CNTN5: variants seen among roughly 807,000 people sequenced by gnomAD.
The protein encoded by CNTN5 is contactin 5.
Under a neutral mutation model 129.1 loss-of-function variants are expected in CNTN5, and 77 were observed. That is an observed-to-expected ratio of 0.60 (90% CI 0.50 to 0.72). CNTN5 has a LOEUF of 0.72. Among genes scored for constraint, CNTN5 ranks in the 30% least tolerant of loss-of-function variants. The pLI, the probability that CNTN5 is intolerant of heterozygous loss-of-function variation, is 0.00. For missense variants in CNTN5, 1,478 were observed against 1,328.8 expected (o/e 1.11, Z -1.75); for synonymous variants, 509 against 465.6 (o/e 1.09, Z -1.20).
chr11:99,829,820 A>T (rs1411112118), intron 4 of CNTN5, among the ~76,000 whole-genome samples: 1 of 152,198 alleles, frequency 6.6e-6, no homozygotes, highest in Non-Finnish European at 1.5e-5. Flanking sequence ...ACATAGGTTA[A>T]TTGAAAGCTC....
intron 1 of CNTN5, among the ~76,000 whole-genome samples, chr11:99,313,734 C>A (rs1865215359): frequency 6.6e-6 from 1 of 152,000 alleles, no homozygotes. Context: ...TTCTATTTAA[C>A]AAACTCCACT....
chr11:100,194,655 C>T (rs1321166578), intron 15 of CNTN5, among the ~76,000 whole-genome samples: 1 of 150,028 alleles, frequency 6.7e-6, no homozygotes, highest in Non-Finnish European at 1.5e-5. Context: ...TGGATCAAAT[C>T]CCAGCTTAAT....
intron 3 of CNTN5, among the ~76,000 whole-genome samples, chr11:99,654,686 G>A (rs1285854917): frequency 6.6e-6 from 1 of 152,058 alleles, no homozygotes; most frequent in Non-Finnish European, 1.5e-5. Flanking sequence ...TCCCTTAAGT[G>A]CTTAAAAGGT....
intron 4 of CNTN5, among the ~76,000 whole-genome samples, chr11:99,837,684 TAAAAA>T (rs34378760): frequency 4.4e-5 from 5 of 112,610 alleles, no homozygotes; most frequent in Admixed American, 9.0e-5. Context: ...CACACATGAG[TAAAAA>T]AAAAAAAAAA....
intron 1 of CNTN5, among the ~76,000 whole-genome samples, chr11:99,065,781 A>G (rs142675919): frequency 9.1e-4 from 139 of 152,232 alleles, no homozygotes; most frequent in African/African-American, 3.2e-3. Context: ...AAAAGAAGAA[A>G]AAAAAAAAGC....
At chr11:99,737,131 GCA>G (rs927394222) in intron 3 of CNTN5, among the ~76,000 whole-genome samples, 5 of 149,742 alleles carry the variant, frequency 3.3e-5, no homozygotes, top group African/African-American at 1.2e-4. Context: ...TAACACACAT[GCA>G]CACACACACA....
chr11:99,548,458 C>T (rs979903723), intron 2 of CNTN5, among the ~76,000 whole-genome samples: 12 of 152,184 alleles, frequency 7.9e-5, no homozygotes, highest in Admixed American at 7.9e-4. Flanking sequence ...CTTATTTGGA[C>T]ATGAGCTGAC....
intron 3 of CNTN5, among the ~76,000 whole-genome samples, chr11:99,588,063 G>C (rs1349571936): frequency 6.6e-6 from 1 of 152,168 alleles, no homozygotes; most frequent in Non-Finnish European, 1.5e-5. Context: ...AAGACCACCG[G>C]CCGGGCGCAG....
At chr11:100,329,004 C>A (rs192755242) in intron 21 of CNTN5, among the ~76,000 whole-genome samples, 3 of 152,214 alleles carry the variant, frequency 2.0e-5, no homozygotes, top group Admixed American at 1.3e-4. Flanking sequence ...GGTTTTTCAA[C>A]GAGGAGGCAT....
intron 9 of CNTN5, among the ~76,000 whole-genome samples, chr11:100,005,289 A>G (rs1427606465): frequency 2.6e-5 from 4 of 152,128 alleles, no homozygotes; most frequent in South Asian, 2.1e-4. Flanking sequence ...TACATCATGT[A>G]TACTCTGCAC....
intron 16 of CNTN5, among the ~76,000 whole-genome samples, chr11:100,231,965 C>A (rs1021669899): frequency 2.0e-5 from 3 of 152,088 alleles, no homozygotes; most frequent in Admixed American, 6.6e-5. Context: ...ACCAGCCTGG[C>A]CAACATGGGG....
chr11:100,083,844 T>G (rs1308867874), intron 13 of CNTN5, among the ~76,000 whole-genome samples: 2 of 152,138 alleles, frequency 1.3e-5, no homozygotes, highest in Non-Finnish European at 2.9e-5. Flanking sequence ...TAAACACTCC[T>G]CTTTAAAGTC....
chr11:100,086,522 A>G (rs1944563533), intron 13 of CNTN5, among the ~76,000 whole-genome samples: 1 of 144,236 alleles, frequency 6.9e-6, no homozygotes, highest in Non-Finnish European at 1.5e-5. Flanking sequence ...ATACCAATAA[A>G]AAAACAGAGG....
chr11:99,648,744 C>A (rs1354740059), intron 3 of CNTN5, among the ~76,000 whole-genome samples: 1 of 151,416 alleles, frequency 6.6e-6, no homozygotes, highest in East Asian at 1.9e-4. Context: ...AGAATAAAAC[C>A]CCATCATTTC....
chr11:100,193,300 T>C (rs1439446710), intron 14 of CNTN5, among the ~76,000 whole-genome samples, 188 bp from the exon 15 acceptor site: 3 of 151,838 alleles, frequency 2.0e-5, no homozygotes, highest in Admixed American at 1.3e-4. Context: ...AAATCATTTC[T>C]CCCCTACAAA....
At chr11:99,823,607 T>C (rs2135573884) in intron 4 of CNTN5, among the ~76,000 whole-genome samples, 1 of 152,302 alleles carries the variant, frequency 6.6e-6, no homozygotes, top group South Asian at 2.1e-4. Context: ...GTATTATTCT[T>C]TATTCATTAC....
At chr11:99,941,353 T>A (rs1950430862) in intron 7 of CNTN5, among the ~76,000 whole-genome samples, 1 of 152,086 alleles carries the variant, frequency 6.6e-6, no homozygotes, top group Non-Finnish European at 1.5e-5. Context: ...GTTTTTAAAA[T>A]AATTATTTTA....
rs367587748 is a variant in CNTN5 at position 99,524,252 on chromosome 11, C to A, written c.-70-31893C>A. 1.8e-4 allele frequency among the ~76,000 whole-genome samples: 28 copies of A among 152,008 alleles called. 1 individual carries two copies. The East Asian group carries it at 4.8e-3, about 26-fold the overall frequency. On this transcript the variant is annotated intron_variant, in intron 2 of 24. Coordinates refer to ENST00000524871, the MANE Select transcript of CNTN5 (RefSeq NM_014361.4). ...TCAGGTCACTATTTGGAGGATATTC[C>A]CTGACTAAGCTGTTAAAATTTCTGA...
At chr11:99,898,279 G>T (rs1234873845) in intron 6 of CNTN5, among the ~76,000 whole-genome samples, 1 of 151,994 alleles carries the variant, frequency 6.6e-6, no homozygotes, top group Non-Finnish European at 1.5e-5. Context: ...TAAAAGGTTG[G>T]TTCTTTGAAA....
Sources: gnomAD v4.1 joint callset for allele counts (sites outside exome capture counted in the v4.1 genomes callset) on GRCh38, gnomAD v4.1.1 for gene constraint, MANE v1.5 for transcripts, NCBI Gene and HGNC (gene_info 2026-07-23, HGNC 2026-07-21) for gene names.